The following FOXP2 variants were observed in gnomAD, a reference collection of about 807,000 sequenced individuals.
FOXP2 encodes the protein forkhead box P2, also known as forkhead box protein P2.
In FOXP2, 12 loss-of-function variants were observed where a neutral mutation model predicts 115.8. That is an observed-to-expected ratio of 0.10 (90% confidence interval 0.07 to 0.17). The LOEUF is 0.17. Among genes scored for constraint, FOXP2 ranks in the 10% least tolerant of loss-of-function variants. The pLI is 1.00. For missense variants in FOXP2, 629 were observed against 843.5 expected, an observed-to-expected ratio of 0.75 and a Z score of 3.15; for synonymous variants, 328 against 297.7, an observed-to-expected ratio of 1.10 and a Z score of -1.05.
chr7:114,153,896 G>A (rs1451294422), intron 1 of FOXP2, among the ~76,000 whole-genome samples: 6 of 152,084 alleles, frequency 3.9e-5, no homozygotes, highest in African/African-American at 1.4e-4. Context: ...TGTGTTGTAA[G>A]CCCTCCTTGA....
At chr7:114,175,324 T>C (rs138586650) in intron 1 of FOXP2, among the ~76,000 whole-genome samples, 44 of 152,250 alleles carry the variant, frequency 2.9e-4, no homozygotes, top group African/African-American at 1.0e-3. Flanking sequence ...TGAGTAATTC[T>C]TTTTTAGTGG....
At chr7:114,110,117 A>G (rs891048720) in intron 1 of FOXP2, among the ~76,000 whole-genome samples, 2 of 152,178 alleles carry the variant, frequency 1.3e-5, no homozygotes, top group African/African-American at 2.4e-5. Context: ...TTGGCATCAT[A>G]ATTACAGCCA....
chr7:114,524,739 TG>T (rs1352013787), intron 2 of FOXP2, among the ~76,000 whole-genome samples: 1 of 152,310 alleles, frequency 6.6e-6, no homozygotes, highest in African/African-American at 2.4e-5. Flanking sequence ...AGTCACTTTT[TG>T]TAATACCTTT....
At chr7:114,586,442 T>A (rs1049567206) in intron 3 of FOXP2, among the ~76,000 whole-genome samples, 44 of 152,234 alleles carry the variant, frequency 2.9e-4, no homozygotes, top group Non-Finnish European at 3.7e-4. Context: ...GTTCCATTTA[T>A]AAATACCTTA....
chr7:114,497,010 A>T (rs548962286), intron 2 of FOXP2, among the ~76,000 whole-genome samples: 10 of 152,184 alleles, frequency 6.6e-5, no homozygotes, highest in African/African-American at 9.6e-5. Flanking sequence ...ATAGGTAGTA[A>T]TACTTATTTA....
chr7:114,446,893 C>T (rs2129215801), intron 2 of FOXP2, among the ~76,000 whole-genome samples: 1 of 151,968 alleles, frequency 6.6e-6, no homozygotes, highest in African/African-American at 2.4e-5. Context: ...GGATTACAGG[C>T]ACATGCCAAC....
intron 2 of FOXP2, among the ~76,000 whole-genome samples, chr7:114,345,809 C>T (rs1391879285): frequency 1.3e-5 from 2 of 151,514 alleles, no homozygotes; most frequent in Non-Finnish European, 3.0e-5. Context: ...CTGTATTATA[C>T]CATATGGAAG....
intron 16 of FOXP2, chr7:114,666,364 C>G (rs896556134): frequency 6.6e-6 from 1 of 151,860 alleles, no homozygotes; most frequent in Non-Finnish European, 1.5e-5. Flanking sequence ...TCTGTTTCTG[C>G]TGCTGTCATT....
intron 2 of FOXP2, among the ~76,000 whole-genome samples, chr7:114,453,617 G>C (rs891069176): frequency 1.3e-5 from 2 of 152,110 alleles, no homozygotes; most frequent in African/African-American, 4.8e-5. Flanking sequence ...TGGACCAAGA[G>C]ATACATTGAC....
intron 3 of FOXP2, among the ~76,000 whole-genome samples, chr7:114,573,663 C>G (rs960921332): frequency 7.9e-5 from 12 of 151,780 alleles, no homozygotes; most frequent in Non-Finnish European, 1.2e-4. Flanking sequence ...CACACACATA[C>G]AAGCCAAAAT....
chr7:114,288,224 A>G, intron 2 of FOXP2: 1 of 397,686 alleles, frequency 2.5e-6, no homozygotes. Context: ...AAATGTTAAG[A>G]AGTTGTTTTC....
chr7:114,323,055 G>T (rs1248888977), intron 2 of FOXP2, among the ~76,000 whole-genome samples: 1 of 151,930 alleles, frequency 6.6e-6, no homozygotes, highest in Admixed American at 6.6e-5. Context: ...ATTTACTTCT[G>T]CATACATTAG....
chr7:114,688,110 GT>G (rs60515489), intron 16 of FOXP2, among the ~76,000 whole-genome samples: 2,390 of 138,368 alleles, frequency 0.017, 45 homozygotes, highest in African/African-American at 0.053. Context: ...AAACTTCAGG[GT>G]TTTTTTTTTT....
In FOXP2 at chr7:114,485,937, G is replaced by A. The variant is rs151261883; in HGVS notation, c.169-48680G>A. 3.3e-4 allele frequency among the ~76,000 whole-genome samples: 50 copies of A among 152,218 alleles called. 1 individual carries two copies. In the Middle Eastern group the frequency reaches 0.02, roughly 62 times the overall value. On this transcript the variant is annotated intron_variant, in intron 2 of 16. Transcript: ENST00000350908. ...AGAGCCCTAATCTTACCCTTTACAC[G>A]GAAGTCCTAAAGACATAGTCTCCTC...
chr7:114,331,346 A>T lies in FOXP2; in HGVS notation c.-11+43237A>T, dbSNP rs1325351103. On this transcript the variant is annotated intron_variant, in intron 2 of 17. Coordinates refer to the FOXP2 transcript ENST00000634411. ...GGTTAATGTGATAGCAATAATGGTT[A>T]AAATAGGAAAAGATATCATAGTGAT... is the stretch of plus-strand genomic sequence containing the variant. 2.6e-5 allele frequency among the ~76,000 whole-genome samples: 4 copies of T among 152,212 alleles called. No individual in the cohort carries two copies. In the South Asian group the frequency reaches 6.2e-4, roughly 24 times the overall value.
chr7:114,690,125 TC>T lies in FOXP2; in HGVS notation c.*200del. ...AAATTGCTTGTTTTCTTCTTCTTCT[TC>T]TTCTTTTTTTTTTTTTTTTTAGAAA... On this transcript the variant is annotated 3_prime_UTR_variant, in exon 17 of 17. Transcript: ENST00000350908. The T allele has an allele frequency of 1.7e-6, 1 of 582,666 alleles. No homozygotes were observed. The highest frequency in any genetic ancestry group is 1.7e-5 in the South Asian group (1 of 57,626). 36.1% of individuals were successfully genotyped at this position (582,666 alleles called of 1,614,324 possible). A position where few individuals can be genotyped will look rare whatever the true frequency, so the allele number is the denominator to read the frequency against.
chr7:114,312,092 G>A (rs1185009713), intron 2 of FOXP2, among the ~76,000 whole-genome samples: 1 of 152,096 alleles, frequency 6.6e-6, no homozygotes, highest in Non-Finnish European at 1.5e-5. Flanking sequence ...GTGGCCACCT[G>A]CTGGGCACTC....
chr7:114,351,801 G>T (rs1169507746), intron 2 of FOXP2, among the ~76,000 whole-genome samples: 5 of 151,798 alleles, frequency 3.3e-5, no homozygotes, highest in Non-Finnish European at 7.4e-5. Context: ...GTCATAATCG[G>T]ATATGTCAAA....
intron 2 of FOXP2, among the ~76,000 whole-genome samples, chr7:114,526,204 C>T (rs969034152): frequency 7.5e-5 from 10 of 132,590 alleles, no homozygotes; most frequent in East Asian, 2.5e-4. Flanking sequence ...AAGGGCCGGA[C>T]GCAGTGGCTC....
Sources: allele counts gnomAD v4.1 joint callset (sites outside exome capture counted in the v4.1 genomes callset), GRCh38; gene constraint gnomAD v4.1.1; transcripts MANE v1.5; gene names NCBI Gene and HGNC (gene_info 2026-07-23, HGNC 2026-07-21).